Variants in HK1 observed in about 807,000 individuals in gnomAD.
HK1 encodes hexokinase-1.
Under a neutral mutation model 91.6 loss-of-function variants are expected in HK1, and 28 were observed. That is an observed-to-expected ratio of 0.31 (90% CI 0.23 to 0.42). The LOEUF is 0.42. Ranked by LOEUF, HK1 falls within the 10% of genes least tolerant of loss-of-function variation. The pLI is 1.00. For synonymous variants in HK1, 430 were observed against 468.1 expected, an observed-to-expected ratio of 0.92 and a Z score of 1.05; for missense variants, 770 against 1,219.8, an observed-to-expected ratio of 0.63 and a Z score of 5.49.
chr10:69,358,632 C>T (rs141024383), intron 2 of HK1, among the ~76,000 whole-genome samples: 2,948 of 152,178 alleles, frequency 0.019, 82 homozygotes, highest in African/African-American at 0.067. Context: ...GAGGCCAAAG[C>T]GGGTAGATCA....
Position 69,369,577 on chromosome 10 carries a change from GTT to G in HK1, c.830_831del (p.Phe277Ter). 6.2e-7 allele frequency: 1 copy of G among 1,614,224 alleles called. No homozygotes were observed. Among genetic ancestry groups the G allele is most frequent in the South Asian group, 1.1e-5 (1 of 91,084 alleles). On this transcript the variant is annotated frameshift_variant, in exon 7 of 18. Transcript: ENST00000359426. LOFTEE classifies it high-confidence loss of function. The surrounding 1 kb of genome is among the most constrained non-coding windows in gnomAD (Gnocchi z 4.4). Reference protein sequence around the residue: ...DGSLEDIRTEFDREIDRGSLN... With the variant: ...DGSLEDIRTEXDREIDRGSLN... The stretch of plus-strand genomic sequence containing the variant: ...GATCATTAGAAGACATCCGGACAGA[GTT>G]TGACAGGGAGATAGACCGGGGATCC...
At chr10:69,365,439 C>T (rs1849652415) in intron 4 of HK1, among the ~76,000 whole-genome samples, 1 of 152,134 alleles carries the variant, frequency 6.6e-6, no homozygotes, top group Admixed American at 6.5e-5. Flanking sequence ...ATTCATTCAG[C>T]AAGGATGGAC....
At chr10:69,385,942 T>C (rs959548492) in intron 12 of HK1, among the ~76,000 whole-genome samples, 2 of 152,210 alleles carry the variant, frequency 1.3e-5, no homozygotes, top group African/African-American at 4.8e-5. Flanking sequence ...TACTAAACTC[T>C]TAGGATCCTT....
intron 1 of HK1, among the ~76,000 whole-genome samples, chr10:69,272,712 C>T (rs1274941813): frequency 6.6e-6 from 1 of 151,534 alleles, no homozygotes; most frequent in Non-Finnish European, 1.5e-5. Flanking sequence ...TCTTTAGTTT[C>T]CAACAGTCAT....
At position 69,274,347 on chromosome 10, in the gene HK1, C is replaced by T. The variant is rs553850099; in HGVS notation, c.-391+4239C>T. Among the ~76,000 whole-genome samples the T allele has an allele frequency of 2.6e-5, 4 of 152,178 alleles. No individual in the cohort carries two copies. In the South Asian group the frequency reaches 8.3e-4, roughly 32 times the overall value. On this transcript the variant is annotated intron_variant, in intron 1 of 21. Coordinates refer to the HK1 transcript ENST00000360289. ...GCGCAGTGGCTCACGTTTCTAATCC[C>T]AGCACTTTGGGAGGCCAAAGCAGGT...
intron 1 of HK1, among the ~76,000 whole-genome samples, chr10:69,276,090 C>CAAAAAA (rs60324656): frequency 0.011 from 180 of 15,926 alleles, 36 homozygotes; most frequent in Non-Finnish European, 0.014. Flanking sequence ...AACTCCTTTT[C>CAAAAAA]AAAAAAAAAA....
chr10:69,330,713 C>G (rs909008582), intron 1 of HK1, among the ~76,000 whole-genome samples: 3 of 152,134 alleles, frequency 2.0e-5, no homozygotes, highest in African/African-American at 4.8e-5. Context: ...ATCCTTATCT[C>G]TGGAGATACA....
chr10:69,369,388 GC>G lies in HK1; in HGVS notation c.692-52del, dbSNP rs774031836. 8 of 1,613,666 alleles carry G rather than the reference GC, an allele frequency of 5.0e-6. No individual in the cohort carries two copies. The East Asian group carries it at 1.6e-4, about 31-fold the overall frequency. ...TTTGTTCGGCCCATCTTTCCAGGTG[GC>G]TCTGCACCCTCCCCGTTGTGTGGTC... On this transcript the variant is annotated intron_variant, in intron 6 of 17. Transcript: ENST00000359426. This position sits in a 1 kb window ranked among gnomAD's most constrained non-coding sequence, Gnocchi z 4.4.
rs1434192408 is a variant in HK1, at chr10:69,328,161, C to T, written c.63+9151C>T. Among the ~76,000 whole-genome samples the T allele has an allele frequency of 8.5e-5, 13 of 152,190 alleles. 1 individual carries two copies. The highest frequency in any genetic ancestry group is 6.5e-4 in the Admixed American group (10 of 15,276). On this transcript the variant is annotated intron_variant, in intron 1 of 17. Transcript: ENST00000359426. ...AACTCAAGCCAGCAGCCTCTCAGACCGTCTTCCGTAAAAGGAGAGGGTGGC... is the reference window on the plus strand; with the variant it reads ...AACTCAAGCCAGCAGCCTCTCAGACTGTCTTCCGTAAAAGGAGAGGGTGGC...
At chr10:69,295,348 G>A (rs925681706) in intron 3 of HK1, among the ~76,000 whole-genome samples, 2 of 152,160 alleles carry the variant, frequency 1.3e-5, no homozygotes, top group South Asian at 2.1e-4. Context: ...GCCGAACCAC[G>A]GTTGTCTTTC....
chr10:69,398,572 C>T, intron 16 of HK1, 23 bp from the exon 17 acceptor site: 10 of 1,597,204 alleles, frequency 6.3e-6, no homozygotes, highest in Non-Finnish European at 8.6e-6. Context: ...TTCATCCAGC[C>T]CTCTGGCTCT....
chr10:69,323,585 ATGT>A (rs1379990785), intron 1 of HK1, among the ~76,000 whole-genome samples: 1 of 151,336 alleles, frequency 6.6e-6, no homozygotes, highest in African/African-American at 2.4e-5. Flanking sequence ...CTCAATTCTG[ATGT>A]TGTACAAATA....
Position 69,401,197 on chromosome 10 carries a change from A to C in HK1, c.*62A>C, listed in dbSNP as rs879135397. On this transcript the variant is annotated 3_prime_UTR_variant, in exon 18 of 18. Coordinates refer to ENST00000359426, the MANE Select transcript of HK1 (RefSeq NM_000188.3). Reference sequence around the variant, plus strand: ...TTCTCTCTTCAAGCGGCGACCCCCTACCCTCCCAGCGAGTTGCGCTGGGAG... The same window carrying C: ...TTCTCTCTTCAAGCGGCGACCCCCTCCCCTCCCAGCGAGTTGCGCTGGGAG... 3 of 1,559,616 alleles carry C rather than the reference A, an allele frequency of 1.9e-6. No homozygotes were observed. The highest frequency in any genetic ancestry group is 2.2e-4 in the Middle Eastern group (1 of 4,520).
At position 69,348,136 on chromosome 10, in the gene HK1, T is replaced by C. The variant is rs538393504; in HGVS notation, c.226+4147T>C. On this transcript the variant is annotated intron_variant, in intron 2 of 17. Coordinates refer to ENST00000359426, the MANE Select transcript of HK1 (RefSeq NM_000188.3). ...AGGCTAAATAGGAATCGATACTTCTTGGTTTCGGCTTCATTGTTCCTACAC... is the reference window on the plus strand; with the variant it reads ...AGGCTAAATAGGAATCGATACTTCTCGGTTTCGGCTTCATTGTTCCTACAC... 2.3e-3 allele frequency among the ~76,000 whole-genome samples: 353 copies of C among 152,304 alleles called. 3 individuals carry two copies. In the South Asian group the frequency reaches 0.027, roughly 12 times the overall value.
At chr10:69,314,380 T>C (rs572382177), upstream of HK1, among the ~76,000 whole-genome samples, 1 of 152,264 alleles carries the variant, frequency 6.6e-6, no homozygotes, top group Non-Finnish European at 1.5e-5. Flanking sequence ...CTAGGTGGCT[T>C]TGGTGCAGCC....
intron 2 of HK1, among the ~76,000 whole-genome samples, chr10:69,283,798 C>CAAAAAAAAAAAAAAAAAAAAAAA (rs571297748): frequency 8.9e-5 from 6 of 67,580 alleles, no homozygotes; most frequent in South Asian, 6.6e-4. Context: ...GACTCTGTCT[C>CAAAAAAAAAAAAAAAAAAAAAAA]AAAAAAAAAA....
chr10:69,396,353 C>G (rs994149997), intron 16 of HK1, among the ~76,000 whole-genome samples: 1 of 151,976 alleles, frequency 6.6e-6, no homozygotes, highest in Non-Finnish European at 1.5e-5. Flanking sequence ...ATACACTGCT[C>G]TTACCCAGGC....
intron 2 of HK1, among the ~76,000 whole-genome samples, chr10:69,357,904 G>C (rs754545026): frequency 6.6e-6 from 1 of 152,148 alleles, no homozygotes; most frequent in Non-Finnish European, 1.5e-5. Context: ...TAATGAAAAT[G>C]TTATAAAATT....
intron 5 of HK1, among the ~76,000 whole-genome samples, chr10:69,308,419 T>C (rs1846206032): frequency 6.6e-6 from 1 of 152,138 alleles, no homozygotes; most frequent in Admixed American, 6.6e-5. Context: ...TTTTAAGGGC[T>C]CACAACTCTA....
Sources: gnomAD v4.1 joint callset for allele counts (sites outside exome capture counted in the v4.1 genomes callset) on GRCh38, gnomAD v4.1.1 for gene constraint, Gnocchi (gnomAD v3.1) non-coding constraint, MANE v1.5 for transcripts, NCBI Gene and HGNC (gene_info 2026-07-23, HGNC 2026-07-21) for gene names.